PLCH1: variants seen among roughly 807,000 people sequenced by gnomAD.
The protein encoded by PLCH1 is phospholipase C eta 1, also known as 1-phosphatidylinositol 4,5-bisphosphate phosphodiesterase eta-1.
A neutral mutation model predicts 126.7 loss-of-function variants in PLCH1; 60 were observed. The ratio of observed to expected loss-of-function variants is 0.47; its 90% confidence interval spans 0.38 to 0.59. The LOEUF is 0.59. Among genes scored for constraint, PLCH1 ranks in the 20% least tolerant of loss-of-function variants. The probability of loss-of-function intolerance (pLI) is 0.00; values close to 1 mark genes in which losing one functional copy is unlikely to be tolerated. For missense variants in PLCH1, 1,723 were observed against 2,040.0 expected (o/e 0.84, Z 2.99); for synonymous variants, 719 against 734.9 (o/e 0.98, Z 0.35).
At chr3:155,667,004 T>C (rs935494825) in intron 2 of PLCH1, among the ~76,000 whole-genome samples, 1 of 152,048 alleles carries the variant, frequency 6.6e-6, no homozygotes, top group African/African-American at 2.4e-5. Flanking sequence ...GTAACATTTA[T>C]TAAAGGCCTA....
At chr3:155,721,863 C>A (rs1007665373) in intron 1 of PLCH1, among the ~76,000 whole-genome samples, 5 of 152,086 alleles carry the variant, frequency 3.3e-5, no homozygotes, top group African/African-American at 1.2e-4. Flanking sequence ...GCCTGGCCAA[C>A]ATGGTGAAAC....
At chr3:155,726,862 AT>A (rs1168394858) in intron 1 of PLCH1, among the ~76,000 whole-genome samples, 1 of 145,468 alleles carries the variant, frequency 6.9e-6, no homozygotes, top group Non-Finnish European at 1.5e-5. Context: ...CACCCGGCTA[AT>A]TTTTTTTCTT....
chr3:155,707,138 C>T (rs1746739021), intron 1 of PLCH1, among the ~76,000 whole-genome samples: 1 of 152,150 alleles, frequency 6.6e-6, no homozygotes, highest in African/African-American at 2.4e-5. Flanking sequence ...AAAGGGCCCT[C>T]ACAAGACATC....
chr3:155,599,249 A>C (rs181125013), intron 2 of PLCH1, among the ~76,000 whole-genome samples: 182 of 152,314 alleles, frequency 1.2e-3, no homozygotes, highest in African/African-American at 4.1e-3. Context: ...ATAGTTAAAA[A>C]TAAATGCCCA....
At chr3:155,460,784 T>G (rs1029323469) in intron 21 of PLCH1, among the ~76,000 whole-genome samples, 1 of 139,716 alleles carries the variant, frequency 7.2e-6, no homozygotes. Flanking sequence ...TAGATAGATA[T>G]AGAAGATAGA....
At chr3:155,708,599 T>C (rs1746861911) in intron 1 of PLCH1, among the ~76,000 whole-genome samples, 1 of 152,228 alleles carries the variant, frequency 6.6e-6, no homozygotes, top group Non-Finnish European at 1.5e-5. Flanking sequence ...TACTGAAGTA[T>C]ACTACATTCA....
At chr3:155,470,214 T>C (rs546512313) in intron 21 of PLCH1, among the ~76,000 whole-genome samples, 103 of 151,578 alleles carry the variant, frequency 6.8e-4, no homozygotes, top group African/African-American at 2.4e-3. Flanking sequence ...GAATAACCAA[T>C]ACAGAGAAGT....
chr3:155,552,004 AG>A (rs1387174886), intron 9 of PLCH1, among the ~76,000 whole-genome samples: 1 of 152,182 alleles, frequency 6.6e-6, no homozygotes, highest in Non-Finnish European at 1.5e-5. Context: ...TGTAGAAATC[AG>A]GGTTGTAAAG....
intron 2 of PLCH1, among the ~76,000 whole-genome samples, chr3:155,632,077 G>A (rs1738110390): frequency 6.6e-6 from 1 of 152,128 alleles, no homozygotes; most frequent in South Asian, 2.1e-4. Context: ...GACTCATCCA[G>A]GACATCTTTC....
Position 155,586,913 on chromosome 3 carries a change from A to G in PLCH1, c.471-719T>C, listed in dbSNP as rs145729471. On this transcript the variant is annotated intron_variant, in intron 4 of 22. Transcript: ENST00000460012. ...GGATACTAAAACCTCATGGATACTAAAAGCTACATTACTGGTTCTAATTTC... is the reference window on the plus strand; with the variant it reads ...GGATACTAAAACCTCATGGATACTAGAAGCTACATTACTGGTTCTAATTTC... Among the ~76,000 whole-genome samples, 27 of 152,342 alleles carry G rather than the reference A, an allele frequency of 1.8e-4. No homozygotes were observed. The East Asian group carries it at 5.0e-3, about 28-fold the overall frequency.
chr3:155,566,331 GTATATATACACA>G lies in PLCH1; in HGVS notation c.866-1225_866-1214del, dbSNP rs1424100840. The stretch of plus-strand genomic sequence containing the variant: ...TATATACATATATACATATATATAC[GTATATATACACA>G]TATATATACATATATATACACACAT... On this transcript the variant is annotated intron_variant, in intron 7 of 22. Transcript: ENST00000460012. Among the ~76,000 whole-genome samples, 39 of 49,150 alleles carry G rather than the reference GTATATATACACA, an allele frequency of 7.9e-4. 8 individuals are homozygous for G. Among genetic ancestry groups the G allele is most frequent in the South Asian group, 6.3e-3 (8 of 1,262 alleles). 32.2% of individuals were successfully genotyped at this position (49,150 alleles called of 152,430 possible).
intron 1 of PLCH1, chr3:155,742,240 C>T (rs927881018): frequency 6.6e-6 from 1 of 152,154 alleles, no homozygotes. Context: ...AAGTAAAAAA[C>T]ATTTCGTTAA....
chr3:155,549,969 A>G lies in PLCH1; in HGVS notation c.1191-11T>C, dbSNP rs1576988200. On this transcript the variant is annotated splice_polypyrimidine_tract_variant and intron_variant, in intron 9 of 22. Coordinates refer to ENST00000460012, the MANE Select transcript of PLCH1 (RefSeq NM_014996.4). ...AATATAACAGGAAACCTGAGAAAAG[A>G]GCAACACAGTCCAGAGGCGTCAGGT... 1.2e-6 allele frequency: 2 copies of G among 1,612,250 alleles called. No homozygotes were observed. Among genetic ancestry groups the G allele is most frequent in the South Asian group, 1.1e-5 (1 of 90,790 alleles).
At chr3:155,712,177 C>G (rs1278299491) in intron 1 of PLCH1, among the ~76,000 whole-genome samples, 3 of 152,206 alleles carry the variant, frequency 2.0e-5, no homozygotes, top group African/African-American at 4.8e-5. Context: ...GCTCTCTATT[C>G]TGGTTTCAGT....
At chr3:155,498,424 T>C (rs1717392844) in intron 14 of PLCH1, among the ~76,000 whole-genome samples, 1 of 152,214 alleles carries the variant, frequency 6.6e-6, no homozygotes, top group Non-Finnish European at 1.5e-5. Flanking sequence ...TATTGTAATG[T>C]GGTTTTATTC....
At chr3:155,580,752 C>T (rs1057394318) in intron 6 of PLCH1, among the ~76,000 whole-genome samples, 2 of 151,948 alleles carry the variant, frequency 1.3e-5, no homozygotes, top group Non-Finnish European at 2.9e-5. Context: ...AAAAAAAATA[C>T]GGCACGATAA....
At chr3:155,495,694 C>T (rs1326059372) in intron 15 of PLCH1, among the ~76,000 whole-genome samples, 1 of 152,166 alleles carries the variant, frequency 6.6e-6, no homozygotes, top group African/African-American at 2.4e-5. Flanking sequence ...GGGTTGTACA[C>T]CCTTAGATGT....
intron 2 of PLCH1, among the ~76,000 whole-genome samples, chr3:155,634,232 GC>G (rs1347767958): frequency 1.3e-5 from 2 of 152,192 alleles, no homozygotes; most frequent in Non-Finnish European, 2.9e-5. Context: ...GGCTGTAAGA[GC>G]CTGGCCTTCA....
chr3:155,549,663 C>T, intron 10 of PLCH1, 124 bp downstream of exon 10: 2 of 690,656 alleles, frequency 2.9e-6, no homozygotes, highest in Non-Finnish European at 4.8e-6. Flanking sequence ...ATACATAGAT[C>T]TAGACAATCC....
Sources: allele counts gnomAD v4.1 joint callset (sites outside exome capture counted in the v4.1 genomes callset), GRCh38; gene constraint gnomAD v4.1.1; transcripts MANE v1.5; gene names NCBI Gene and HGNC (gene_info 2026-07-23, HGNC 2026-07-21).